The following WDSUB1 variants were observed in gnomAD, a reference collection of about 807,000 sequenced individuals.
WDSUB1 encodes WD repeat, sterile alpha motif and U-box domain containing 1.
Under a neutral mutation model 53.9 loss-of-function variants are expected in WDSUB1, and 49 were observed. The observed-to-expected ratio is 0.91, with a 90% confidence interval of 0.72 to 1.15. The LOEUF (loss-of-function observed/expected upper bound fraction) is 1.15. WDSUB1 is among the 50% of genes most tolerant of loss of function. WDSUB1 has a pLI of 0.00. For synonymous variants in WDSUB1, 194 were observed against 200.6 expected, an observed-to-expected ratio of 0.97 and a Z score of 0.28; for missense variants, 514 against 562.0, an observed-to-expected ratio of 0.91 and a Z score of 0.86.
chr2:159,282,512 G>A (rs1001176769), intron 2 of WDSUB1, among the ~76,000 whole-genome samples, 160 bp downstream of exon 2: 1 of 152,034 alleles, frequency 6.6e-6, no homozygotes, highest in Non-Finnish European at 1.5e-5. Flanking sequence ...ATTTTTCCTT[G>A]TGCTACCTGA....
intron 10 of WDSUB1, among the ~76,000 whole-genome samples, chr2:159,239,170 T>C (rs2060572706): frequency 6.6e-6 from 1 of 152,104 alleles, no homozygotes; most frequent in Non-Finnish European, 1.5e-5. Flanking sequence ...CCTGGCTAAT[T>C]TTTAAAAATT....
At chr2:159,247,928 AAT>A (rs58296878) in intron 10 of WDSUB1, among the ~76,000 whole-genome samples, 3,924 of 63,254 alleles carry the variant, frequency 0.062, 119 homozygotes, top group South Asian at 0.09. Context: ...TATATATATA[AAT>A]ATATATATAT....
chr2:159,286,164 T>C (rs10185436), intron 1 of WDSUB1, among the ~76,000 whole-genome samples: 94,377 of 151,922 alleles, frequency 0.62, 30,003 homozygotes, highest in African/African-American at 0.73. Context: ...ACCAGGTCAG[T>C]TGGCCAGCGT....
intron 10 of WDSUB1, among the ~76,000 whole-genome samples, chr2:159,236,565 T>C (rs996471650): frequency 6.6e-6 from 1 of 152,128 alleles, no homozygotes; most frequent in Non-Finnish European, 1.5e-5. Flanking sequence ...ATAAGGCTCT[T>C]TTCAACACCT....
chr2:159,257,809 T>C lies in WDSUB1; in HGVS notation c.901A>G (p.Met301Val), dbSNP rs140416254. ...PNTLLLATGS[M>V]DKTVNIWQFD... ...TGCCAGATGTTCACTGTTTTGTCCA[T>C]TGAACCAGTAGCAAGTAAAAGGGTA... Residue 301 changes from methionine to valine, a missense_variant, in exon 8 of 11, where the codon ATG (methionine) becomes GTG (valine). Transcript: ENST00000359774. The C allele has an allele frequency of 8.7e-6, 14 of 1,614,114 alleles. No individual in the cohort carries two copies. In the African/African-American group the frequency reaches 1.5e-4, roughly 17 times the overall value.
chr2:159,239,227 ACACCTTGGCTCAAACAACGCTCC>A (rs1270604204), intron 10 of WDSUB1, among the ~76,000 whole-genome samples: 2 of 152,108 alleles, frequency 1.3e-5, no homozygotes, highest in African/African-American at 4.8e-5. Context: ...CTGGTCTAGA[ACACCTTGGCTCAAACAACGCTCC>A]CACCTTGGCT....
intron 6 of WDSUB1, among the ~76,000 whole-genome samples, chr2:159,259,348 T>C (rs2061141711): frequency 2.0e-5 from 3 of 152,122 alleles, no homozygotes; most frequent in Admixed American, 2.0e-4. Context: ...TACCCACACA[T>C]GGATCAGTAA....
At chr2:159,247,898 T>TATATATATATATATATATATATATATAA (rs1559531800) in intron 10 of WDSUB1, among the ~76,000 whole-genome samples, 1 of 28,740 alleles carries the variant, frequency 3.5e-5, no homozygotes, top group African/African-American at 1.3e-4. Flanking sequence ...TATATATATA[T>TATATATATATATATATATATATATATAA]ATATATATAT....
At chr2:159,284,629 T>C (rs1325334579) in intron 1 of WDSUB1, among the ~76,000 whole-genome samples, 1 of 152,200 alleles carries the variant, frequency 6.6e-6, no homozygotes, top group African/African-American at 2.4e-5. Context: ...CACCTCTGAA[T>C]GAATCAAGGA....
Position 159,275,649 on chromosome 2 carries a change from TTAAAAA to T in WDSUB1, c.584-17_584-12del. On this transcript the variant is annotated splice_polypyrimidine_tract_variant and intron_variant, in intron 3 of 10. Transcript: ENST00000359774. Reference sequence around the variant, plus strand: ...GACCTTGTTCTCCATCTAAAATTTATTAAAAATAAATACAGAGAATTTGTAAAACAC... The same window carrying T: ...GACCTTGTTCTCCATCTAAAATTTATTAAATACAGAGAATTTGTAAAACAC... 1 of 1,585,922 alleles carries T rather than the reference TTAAAAA, an allele frequency of 6.3e-7. No homozygotes were observed. Among genetic ancestry groups the T allele is most frequent in the Non-Finnish European group, 8.5e-7 (1 of 1,171,200 alleles).
At chr2:159,264,238 A>G (rs953198797) in intron 5 of WDSUB1, among the ~76,000 whole-genome samples, 8 of 152,240 alleles carry the variant, frequency 5.3e-5, no homozygotes, top group African/African-American at 1.9e-4. Context: ...TCTACTTTCA[A>G]GCAATCTAGC....
At chr2:159,238,823 C>CGGTAAAAAGTTTT (rs2060560392) in intron 10 of WDSUB1, among the ~76,000 whole-genome samples, 1 of 140,746 alleles carries the variant, frequency 7.1e-6, no homozygotes, top group African/African-American at 3.0e-5. Context: ...GTGTATCTCT[C>CGGTAAAAAGTTTT]GGTAAAAAGT....
At position 159,259,852 on chromosome 2, in the gene WDSUB1, A is replaced by G. The variant is rs1326226274; in HGVS notation, c.771-9T>C. On this transcript the variant is annotated splice_polypyrimidine_tract_variant and intron_variant, in intron 5 of 10. Transcript: ENST00000359774. ...CAGACTTATCCACTGACCTTAAAAG[A>G]AAATAAATTATAGGTGAAAAGTTCT... is the stretch of plus-strand genomic sequence containing the variant. 1 of 1,511,946 alleles carries G rather than the reference A, an allele frequency of 6.6e-7. No individual in the cohort carries two copies. The highest frequency in any genetic ancestry group is 1.7e-4 in the Middle Eastern group (1 of 5,740). The allele number at this position is 1,511,946 out of a possible 1,614,324, so 93.7% of individuals were successfully genotyped here.
chr2:159,283,211 T>C (rs1412364488), intron 1 of WDSUB1, 118 bp from the exon 2 acceptor site: 3 of 888,900 alleles, frequency 3.4e-6, no homozygotes, highest in East Asian at 5.3e-5. Flanking sequence ...TACATCAACA[T>C]TTTAAAGCAG....
intron 9 of WDSUB1, among the ~76,000 whole-genome samples, chr2:159,255,917 C>T (rs982005858): frequency 6.6e-6 from 1 of 152,054 alleles, no homozygotes; most frequent in Non-Finnish European, 1.5e-5. Flanking sequence ...AAAAAGACAA[C>T]CCAGTTTAAA....
chr2:159,239,789 C>T (rs2060594564), intron 10 of WDSUB1, among the ~76,000 whole-genome samples: 1 of 152,116 alleles, frequency 6.6e-6, no homozygotes, highest in South Asian at 2.1e-4. Context: ...CTCTGTGTTA[C>T]TTTTGCCTAC....
chr2:159,263,441 T>C (rs1339363917), intron 5 of WDSUB1, among the ~76,000 whole-genome samples: 2 of 152,156 alleles, frequency 1.3e-5, no homozygotes, highest in African/African-American at 4.8e-5. Context: ...AGGTGAAGAT[T>C]AATATAGATT....
intron 10 of WDSUB1, among the ~76,000 whole-genome samples, chr2:159,237,223 A>G (rs1258159437): frequency 6.6e-6 from 1 of 152,246 alleles, no homozygotes; most frequent in Non-Finnish European, 1.5e-5. Context: ...ACTTGGTTTC[A>G]AAGTTAAAAC....
At chr2:159,250,088 C>CAAAAAAAAAAAAAAA (rs374038625) in intron 9 of WDSUB1, among the ~76,000 whole-genome samples, 11 of 83,538 alleles carry the variant, frequency 1.3e-4, no homozygotes, top group South Asian at 4.5e-4. Context: ...GACTCTGCCT[C>CAAAAAAAAAAAAAAA]AAAAAAAAAA....
Sources: allele counts gnomAD v4.1 joint callset (sites outside exome capture counted in the v4.1 genomes callset), GRCh38; gene constraint gnomAD v4.1.1; transcripts MANE v1.5; gene names NCBI Gene and HGNC (gene_info 2026-07-23, HGNC 2026-07-21).